Variants in SRGAP1 observed in about 807,000 individuals in gnomAD.
SRGAP1 encodes the protein SLIT-ROBO Rho GTPase activating protein 1.
Under a neutral mutation model 121.9 loss-of-function variants are expected in SRGAP1, and 43 were observed. The observed-to-expected ratio is 0.35, with a 90% CI of 0.28 to 0.46. SRGAP1 has a LOEUF of 0.46. Ranked by LOEUF, SRGAP1 falls within the 20% of genes least tolerant of loss-of-function variation. The pLI, the probability that SRGAP1 is intolerant of heterozygous loss-of-function variation, is 1.00. For missense variants in SRGAP1, 1,102 were observed against 1,350.9 expected, an observed-to-expected ratio of 0.82 and a Z score of 2.89; for synonymous variants, 447 against 485.4, an observed-to-expected ratio of 0.92 and a Z score of 1.04.
At position 63,941,324 on chromosome 12, in the gene SRGAP1, A is replaced by C. The variant is rs548984495; in HGVS notation, c.68-42623A>C. Among the ~76,000 whole-genome samples, 28 of 152,296 alleles carry C rather than the reference A, an allele frequency of 1.8e-4. 1 individual carries two copies. The East Asian group carries it at 4.2e-3, about 23-fold the overall frequency. ...TTAGGTCTTGTCATCATGCCAAAAA[A>C]TGAACTAATTATCTTCTTCTAACTG... On this transcript the variant is annotated intron_variant, in intron 1 of 21. Transcript: ENST00000355086.
intron 1 of SRGAP1, among the ~76,000 whole-genome samples, chr12:63,918,641 C>T (rs1474664257): frequency 6.6e-6 from 1 of 152,088 alleles, no homozygotes; most frequent in Non-Finnish European, 1.5e-5. Flanking sequence ...GGTCTCGAAT[C>T]CCTGGGCTCA....
chr12:63,994,522 CT>C (rs2033640023), intron 3 of SRGAP1, among the ~76,000 whole-genome samples: 1 of 152,136 alleles, frequency 6.6e-6, no homozygotes, highest in Non-Finnish European at 1.5e-5. Flanking sequence ...CTGGCCGAGA[CT>C]CCATGCCTCT....
At chr12:63,861,393 A>G (rs1021373536) in intron 1 of SRGAP1, among the ~76,000 whole-genome samples, 3 of 150,992 alleles carry the variant, frequency 2.0e-5, no homozygotes, top group Non-Finnish European at 4.4e-5. Context: ...TCCGCCTCCC[A>G]GGATCAAGCG....
intron 1 of SRGAP1, among the ~76,000 whole-genome samples, chr12:63,875,051 G>C (rs1451039984): frequency 1.3e-5 from 2 of 152,140 alleles, no homozygotes; most frequent in Non-Finnish European, 2.9e-5. Flanking sequence ...GAGTAGCTAG[G>C]ACTACAGGCA....
chr12:64,087,066 T>G (rs1366921585), intron 11 of SRGAP1, 40 bp downstream of exon 11: 25 of 1,476,828 alleles, frequency 1.7e-5, no homozygotes, highest in Non-Finnish European at 2.2e-5. Context: ...CGTATTTTAC[T>G]TTCTCTTTAA....
chr12:64,116,363 G>A (rs921562514), intron 18 of SRGAP1, among the ~76,000 whole-genome samples: 2 of 148,506 alleles, frequency 1.3e-5, no homozygotes, highest in Non-Finnish European at 3.0e-5. Context: ...CCAAGCTTAA[G>A]AAAAAAAGAC....
At chr12:63,949,400 TTATTATTATTATTA>T (rs1565964898) in intron 1 of SRGAP1, among the ~76,000 whole-genome samples, 27 of 13,554 alleles carry the variant, frequency 2.0e-3, no homozygotes, top group African/African-American at 3.8e-3. Flanking sequence ...TTATTATTTA[TTATTATTATTATTA>T]TTATTATTAT....
At chr12:63,970,067 C>T (rs2032900075) in intron 1 of SRGAP1, among the ~76,000 whole-genome samples, 1 of 152,164 alleles carries the variant, frequency 6.6e-6, no homozygotes, top group Non-Finnish European at 1.5e-5. Flanking sequence ...TCCCCCTTTC[C>T]CCAGACCATC....
At chr12:63,907,091 A>AT (rs2030249482) in intron 1 of SRGAP1, among the ~76,000 whole-genome samples, 1 of 152,024 alleles carries the variant, frequency 6.6e-6, no homozygotes, top group Non-Finnish European at 1.5e-5. Flanking sequence ...TGACTTTTTA[A>AT]TTTTATCTAT....
intron 1 of SRGAP1, chr12:63,872,168 T>C: frequency 8.8e-6 from 3 of 340,856 alleles, no homozygotes; most frequent in Non-Finnish European, 1.6e-5. Flanking sequence ...TTATGTTTCA[T>C]GAGAGCACCT....
chr12:63,959,483 C>A (rs1471780811), intron 1 of SRGAP1, among the ~76,000 whole-genome samples: 1 of 152,154 alleles, frequency 6.6e-6, no homozygotes, highest in Non-Finnish European at 1.5e-5. Context: ...TGGCACTGAT[C>A]ATGAATATTT....
At position 64,098,679 on chromosome 12, in the gene SRGAP1, TA is replaced by T. The variant is rs201474693; in HGVS notation, c.1813+1311del. Among the ~76,000 whole-genome samples, 4 of 144,182 alleles carry T rather than the reference TA, an allele frequency of 2.8e-5. No homozygotes were observed. The South Asian group carries it at 9.0e-4, about 32-fold the overall frequency. 94.6% of individuals were successfully genotyped at this position (144,182 alleles called of 152,430 possible). ...AGCAAGACTCTGTCTCAAAAAAAAA[TA>T]AAAAAATAAAAAAGCTAACTCCATG... On this transcript the variant is annotated intron_variant, in intron 15 of 21. Transcript: ENST00000355086.
intron 1 of SRGAP1, among the ~76,000 whole-genome samples, chr12:63,934,525 A>T (rs1054132481): frequency 6.6e-6 from 1 of 152,134 alleles, no homozygotes; most frequent in African/African-American, 2.4e-5. Context: ...TGTTTGCTAT[A>T]TGCACAACCC....
intron 1 of SRGAP1, among the ~76,000 whole-genome samples, chr12:63,902,192 T>C (rs1017852592): frequency 6.6e-6 from 1 of 152,180 alleles, no homozygotes; most frequent in African/African-American, 2.4e-5. Context: ...AGTTGAGATC[T>C]CTAGTTTGTC....
At chr12:63,919,260 G>A (rs2030934508) in intron 1 of SRGAP1, among the ~76,000 whole-genome samples, 1 of 152,044 alleles carries the variant, frequency 6.6e-6, no homozygotes, top group African/African-American at 2.4e-5. Flanking sequence ...GTTTCGCCAT[G>A]TTGCCCAGGC....
chr12:63,958,797 C>T (rs752608949), intron 1 of SRGAP1, among the ~76,000 whole-genome samples: 4 of 152,138 alleles, frequency 2.6e-5, no homozygotes, highest in Non-Finnish European at 4.4e-5. Flanking sequence ...GCCTTGTCAA[C>T]GGAAGGCTGA....
At position 64,156,661 on chromosome 12, in the gene SRGAP1, A is replaced by C. The variant is rs1052136995; in HGVS notation, c.*13989A>C. ...TTAATCTAGCCTTATTACACCGAGTACAACAGGGAATAATAAGCCATCTAT... is the reference window on the plus strand; with the variant it reads ...TTAATCTAGCCTTATTACACCGAGTCCAACAGGGAATAATAAGCCATCTAT... On this transcript the variant is annotated 3_prime_UTR_variant, in exon 22 of 22. Transcript: ENST00000355086. 2 of 152,244 alleles carry C rather than the reference A, an allele frequency of 1.3e-5. No homozygotes were observed. Among genetic ancestry groups the C allele is most frequent in the African/African-American group, 4.8e-5 (2 of 41,464 alleles). 9.4% of individuals were successfully genotyped at this position (152,244 alleles called of 1,614,324 possible).
At chr12:63,908,849 G>A (rs1263987844) in intron 1 of SRGAP1, among the ~76,000 whole-genome samples, 3 of 151,398 alleles carry the variant, frequency 2.0e-5, no homozygotes, top group Admixed American at 1.3e-4. Flanking sequence ...TCACATTGCT[G>A]AACTTGTTCA....
At chr12:63,902,031 G>A (rs1195821735) in intron 1 of SRGAP1, among the ~76,000 whole-genome samples, 2 of 152,164 alleles carry the variant, frequency 1.3e-5, no homozygotes, top group South Asian at 2.1e-4. Context: ...CAGAAATTTG[G>A]CTGGGGAGTG....
Sources: gnomAD v4.1 joint callset for allele counts (sites outside exome capture counted in the v4.1 genomes callset) on GRCh38, gnomAD v4.1.1 for gene constraint, MANE v1.5 for transcripts, NCBI Gene and HGNC (gene_info 2026-07-23, HGNC 2026-07-21) for gene names.